The following SLCO1B3 variants were observed in gnomAD, a reference collection of about 807,000 sequenced individuals.
SLCO1B3 encodes liver-specific organic anion transporter 2.
In SLCO1B3, 72 loss-of-function variants were observed where a neutral mutation model predicts 71.8. That is an observed-to-expected ratio of 1.00 (90% CI 0.83 to 1.22). The LOEUF is 1.22. SLCO1B3 is among the 50% of genes most tolerant of loss of function. The pLI is 0.00. For missense variants in SLCO1B3, 911 were observed against 819.7 expected (o/e 1.11, Z -1.36); for synonymous variants, 298 against 278.4 (o/e 1.07, Z -0.70).
At chr12:20,850,968 T>C (rs900497750) in intron 3 of SLCO1B3, among the ~76,000 whole-genome samples, 1 of 152,212 alleles carries the variant, frequency 6.6e-6, no homozygotes, top group Non-Finnish European at 1.5e-5. Flanking sequence ...CCAGCATCTG[T>C]TATTTTTTGA....
At chr12:20,858,617 A>C in intron 5 of SLCO1B3, 46 bp downstream of exon 5, 1 of 1,540,276 alleles carries the variant, frequency 6.5e-7, no homozygotes, top group East Asian at 2.3e-5. Flanking sequence ...GCTACTTGTA[A>C]ATTAGCAGTA....
intron 15 of SLCO1B3, chr12:20,902,137 T>C (rs886344354): frequency 2.3e-5 from 5 of 218,428 alleles, no homozygotes; most frequent in African/African-American, 4.8e-5. Flanking sequence ...GAAAGTATAA[T>C]AGAAAAATAA....
intron 3 of SLCO1B3, among the ~76,000 whole-genome samples, chr12:20,823,517 C>G (rs1864361402): frequency 6.6e-6 from 1 of 152,106 alleles, no homozygotes; most frequent in South Asian, 2.1e-4. Flanking sequence ...TTTTATTAAA[C>G]AGAAAATCAT....
Position 20,815,688 on chromosome 12 carries a change from C to T in SLCO1B3, c.-51C>T. On this transcript the variant is annotated 5_prime_UTR_variant, in exon 3 of 16. Coordinates refer to ENST00000381545, the MANE Select transcript of SLCO1B3 (RefSeq NM_019844.4). Reference sequence around the variant, plus strand: ...TTTTTTAACAGGTGATCATTTCAAACCAAGCATCAGCAACAATTAAAAATA... The same window carrying T: ...TTTTTTAACAGGTGATCATTTCAAATCAAGCATCAGCAACAATTAAAAATA... The T allele has an allele frequency of 1.6e-6, 2 of 1,212,536 alleles. No homozygotes were observed. Among genetic ancestry groups the T allele is most frequent in the Non-Finnish European group, 2.4e-6 (2 of 830,482 alleles). 75.1% of individuals were successfully genotyped at this position (1,212,536 alleles called of 1,614,324 possible). A position where few individuals can be genotyped will look rare whatever the true frequency, so the allele number is the denominator to read the frequency against.
At chr12:20,840,663 T>A (rs1864778709) in intron 3 of SLCO1B3, among the ~76,000 whole-genome samples, 1 of 152,082 alleles carries the variant, frequency 6.6e-6, no homozygotes. Flanking sequence ...AGTGTCAATT[T>A]TTAAAAAAAT....
intron 13 of SLCO1B3, among the ~76,000 whole-genome samples, chr12:20,895,057 A>G (rs1865977226): frequency 6.6e-6 from 1 of 152,146 alleles, no homozygotes; most frequent in Non-Finnish European, 1.5e-5. Context: ...ATTCACTATC[A>G]TGGAACAGCA....
intron 12 of SLCO1B3, among the ~76,000 whole-genome samples, chr12:20,882,902 G>A (rs1865719245): frequency 6.6e-6 from 1 of 152,104 alleles, no homozygotes; most frequent in Non-Finnish European, 1.5e-5. Context: ...ATTCTTTTGT[G>A]TTAAACCTTT....
intron 3 of SLCO1B3, among the ~76,000 whole-genome samples, chr12:20,834,055 C>A (rs1864614574): frequency 9.3e-6 from 1 of 107,218 alleles, no homozygotes; most frequent in African/African-American, 2.7e-5. Context: ...TATATGTGTG[C>A]ATATATAAAA....
intron 15 of SLCO1B3, among the ~76,000 whole-genome samples, chr12:20,908,006 C>T (rs1591793143): frequency 6.6e-6 from 1 of 152,030 alleles, no homozygotes; most frequent in Admixed American, 6.5e-5. Flanking sequence ...AATGGTGATA[C>T]TTTAGTTATG....
intron 13 of SLCO1B3, among the ~76,000 whole-genome samples, chr12:20,895,730 T>C (rs919420399): frequency 6.6e-6 from 1 of 152,164 alleles, no homozygotes; most frequent in African/African-American, 2.4e-5. Flanking sequence ...GACCCTCTTC[T>C]CACAGCCCCA....
chr12:20,847,518 C>T (rs1164915735), intron 3 of SLCO1B3, among the ~76,000 whole-genome samples: 1 of 147,730 alleles, frequency 6.8e-6, no homozygotes, highest in Non-Finnish European at 1.5e-5. Flanking sequence ...TGATCTCAGA[C>T]AACCCAGCTT....
At chr12:20,896,515 A>G (rs143605699) in intron 13 of SLCO1B3, among the ~76,000 whole-genome samples, 18 of 152,192 alleles carry the variant, frequency 1.2e-4, no homozygotes, top group African/African-American at 3.4e-4. Flanking sequence ...TCTTTGCTCC[A>G]GTTTCCAACA....
At chr12:20,900,546 C>T (rs74722169) in intron 14 of SLCO1B3, among the ~76,000 whole-genome samples, 2,305 of 152,212 alleles carry the variant, frequency 0.015, 57 homozygotes, top group African/African-American at 0.053. Flanking sequence ...TCACAGTCAT[C>T]GAAATCAGGC....
At chr12:20,908,873 A>C (rs982784952) in intron 15 of SLCO1B3, among the ~76,000 whole-genome samples, 4 of 152,216 alleles carry the variant, frequency 2.6e-5, no homozygotes. Context: ...TTTTGTATAG[A>C]TACAGGTCTC....
intron 5 of SLCO1B3, 36 bp downstream of exon 5, chr12:20,858,607 G>C: frequency 6.4e-7 from 1 of 1,560,332 alleles, no homozygotes; most frequent in Non-Finnish European, 8.7e-7. Flanking sequence ...TTTATTATCA[G>C]CTACTTGTAA....
intron 3 of SLCO1B3, among the ~76,000 whole-genome samples, chr12:20,834,167 C>CTGTA (rs1555152352): frequency 2.8e-5 from 4 of 144,310 alleles, no homozygotes; most frequent in Admixed American, 7.1e-5. Context: ...ATATATCAAA[C>CTGTA]TATGTATGTA....
At chr12:20,860,292 G>A (rs1865234248) in intron 5 of SLCO1B3, among the ~76,000 whole-genome samples, 1 of 152,026 alleles carries the variant, frequency 6.6e-6, no homozygotes, top group South Asian at 2.1e-4. Flanking sequence ...TGACAACCCA[G>A]GACCTTGTAT....
intron 15 of SLCO1B3, among the ~76,000 whole-genome samples, chr12:20,907,695 G>C (rs1049437638): frequency 2.0e-5 from 3 of 151,546 alleles, no homozygotes; most frequent in Non-Finnish European, 2.9e-5. Flanking sequence ...ATCTCTACTA[G>C]ATACGGTTTC....
intron 3 of SLCO1B3, among the ~76,000 whole-genome samples, chr12:20,853,856 C>T (rs1003363290): frequency 4.0e-5 from 6 of 151,730 alleles, no homozygotes; most frequent in African/African-American, 1.5e-4. Flanking sequence ...AATTTATAAA[C>T]TTTCCCTTTA....
Sources: allele counts gnomAD v4.1 joint callset (sites outside exome capture counted in the v4.1 genomes callset), GRCh38; gene constraint gnomAD v4.1.1; transcripts MANE v1.5; gene names NCBI Gene and HGNC (gene_info 2026-07-23, HGNC 2026-07-21).